The following MACROD1 variants were observed in gnomAD, a reference collection of about 807,000 sequenced individuals.
MACROD1 encodes the protein ADP-ribose glycohydrolase MACROD1.
Under a neutral mutation model 41.4 loss-of-function variants are expected in MACROD1, and 31 were observed. That is an observed-to-expected ratio of 0.75 (90% CI 0.56 to 1.01). The LOEUF (loss-of-function observed/expected upper bound fraction) is 1.01. Among genes scored for constraint, MACROD1 ranks in the 50% least tolerant of loss-of-function variants. The pLI is 0.00. For missense variants in MACROD1, 473 were observed against 460.0 expected, an observed-to-expected ratio of 1.03 and a Z score of -0.26; for synonymous variants, 252 against 203.4, an observed-to-expected ratio of 1.24 and a Z score of -2.03.
chr11:64,158,766 C>CATTAGGTTG (rs1945707789), intron 1 of MACROD1, among the ~76,000 whole-genome samples: 1 of 152,204 alleles, frequency 6.6e-6, no homozygotes, highest in Non-Finnish European at 1.5e-5. Context: ...GCGCCAGATA[C>CATTAGGTTG]CGACAAGGGC....
In MACROD1 at chr11:64,149,535, G is replaced by A. The variant is rs201400037; in HGVS notation, c.517+1704C>T. On this transcript the variant is annotated intron_variant, in intron 3 of 10. Transcript: ENST00000255681. ...ACAGCCCGGGTGCAGCCTCCGGAGC[G>A]CCCCCATTCCATCTGAACCCATCAA... Among the ~76,000 whole-genome samples the A allele has an allele frequency of 1.9e-3, 282 of 152,258 alleles. 3 individuals are homozygous for A. The South Asian group carries it at 0.026, about 14-fold the overall frequency.
intron 3 of MACROD1, among the ~76,000 whole-genome samples, chr11:64,106,354 G>A (rs1165730652): frequency 6.6e-6 from 1 of 152,156 alleles, no homozygotes; most frequent in South Asian, 2.1e-4. Context: ...CCAGCCCTGG[G>A]TCTAGGTTCA....
intron 4 of MACROD1, chr11:64,001,789 C>G (rs1942830306): frequency 1.1e-5 from 8 of 701,334 alleles, no homozygotes; most frequent in South Asian, 4.4e-5. Flanking sequence ...GGCGTCCAGG[C>G]TGGAGCTCCC....
At chr11:64,006,633 G>T (rs537930469) in intron 4 of MACROD1, among the ~76,000 whole-genome samples, 1 of 152,210 alleles carries the variant, frequency 6.6e-6, no homozygotes, top group Non-Finnish European at 1.5e-5. Context: ...GCTGCATGCC[G>T]GGGCTTGGTG....
intron 3 of MACROD1, among the ~76,000 whole-genome samples, chr11:64,109,793 G>A (rs1054748764): frequency 6.6e-6 from 1 of 152,132 alleles, no homozygotes; most frequent in African/African-American, 2.4e-5. Context: ...GGGCAGGGTT[G>A]CACCCACACA....
At chr11:64,007,611 T>C (rs777787814) in intron 4 of MACROD1, among the ~76,000 whole-genome samples, 9 of 151,580 alleles carry the variant, frequency 5.9e-5, no homozygotes, top group Non-Finnish European at 8.8e-5. Context: ...CGGTGGGAAG[T>C]TTCCATCAGT....
rs527433190 is a variant in MACROD1, at chr11:63,999,686, G to A, written c.742C>T (p.Leu248=). The change falls in exon 6 of 11, where the codon CTG becomes TTG. Residue 248 remains leucine, a synonymous_variant. Transcript: ENST00000255681. The part of the protein sequence containing the change: ...SQAAELRSCY[L]SSLDLLLEHR... ...TCCAGCAGCAGGTCCAGACTGCTCA[G>A]GTAGCAGCTGCGGAGCTCGGCAGCC... 1.4e-5 allele frequency: 22 copies of A among 1,609,420 alleles called. No individual in the cohort carries two copies. In the East Asian group the frequency reaches 3.8e-4, roughly 28 times the overall value.
chr11:64,000,302 C>T lies in MACROD1; in HGVS notation c.589G>A (p.Asp197Asn). The change falls in exon 5 of 11, where the codon GAC becomes AAC. Residue 197 changes from aspartate to asparagine, a missense_variant. Physicochemically the swap from Asp to Asn is conservative, Grantham distance 23. Coordinates refer to ENST00000255681, the MANE Select transcript of MACROD1 (RefSeq NM_014067.4). ...IHRAAGPLLT[D>N]ECRTLQSCKT... ...CAGCTCTGCAGGGTCCGGCACTCGTCGGTAAGCAGGGGGCCGGCGGCCCGA... is the reference window on the plus strand; with the variant it reads ...CAGCTCTGCAGGGTCCGGCACTCGTTGGTAAGCAGGGGGCCGGCGGCCCGA... 1 of 1,596,696 alleles carries T rather than the reference C, an allele frequency of 6.3e-7. No individual in the cohort carries two copies. The highest frequency in any genetic ancestry group is 8.5e-7 in the Non-Finnish European group (1 of 1,172,456).
intron 3 of MACROD1, among the ~76,000 whole-genome samples, chr11:64,053,217 G>A (rs957515516): frequency 6.6e-6 from 1 of 152,160 alleles, no homozygotes; most frequent in Non-Finnish European, 1.5e-5. Flanking sequence ...AGGGTGGGGT[G>A]AGGCTCCCCT....
rs941974070 is a variant in MACROD1, at chr11:64,122,611, C to T, written c.517+28628G>A. Among the ~76,000 whole-genome samples, 3 of 152,146 alleles carry T rather than the reference C, an allele frequency of 2.0e-5. No individual in the cohort carries two copies. Among genetic ancestry groups the T allele is most frequent in the African/African-American group, 7.2e-5 (3 of 41,432 alleles). ...GGGGGTCGGGGAGATGTTTCCAGAG[C>T]GGTGCAGGGAAAGAGGGTTTGGTGA... On this transcript the variant is annotated intron_variant, in intron 3 of 10. Coordinates refer to ENST00000255681, the MANE Select transcript of MACROD1 (RefSeq NM_014067.4). The surrounding 1 kb of genome is among the most constrained non-coding windows in gnomAD (Gnocchi z 4.0).
chr11:64,020,677 G>C (rs1011404365), intron 3 of MACROD1, among the ~76,000 whole-genome samples: 2 of 151,960 alleles, frequency 1.3e-5, no homozygotes, highest in South Asian at 4.2e-4. Context: ...GCTCTCCTGG[G>C]GGGGCCATGA....
At chr11:64,125,553 G>T (rs902089820) in intron 3 of MACROD1, among the ~76,000 whole-genome samples, 1 of 152,176 alleles carries the variant, frequency 6.6e-6, no homozygotes, top group Admixed American at 6.5e-5. Context: ...GGCTTCTCTC[G>T]TCCTGCTCCT....
In MACROD1 at chr11:64,158,034, A is replaced by G. The variant is rs555059934; in HGVS notation, c.299-5641T>C. ...GGGCATTGGCAAGGCTGCGTCCCCA[A>G]AAGACAGGTGGGAGAAGCCCCCCGA... On this transcript the variant is annotated intron_variant, in intron 1 of 10. Transcript: ENST00000255681. Among the ~76,000 whole-genome samples the G allele has an allele frequency of 2.0e-5, 3 of 152,266 alleles. No individual in the cohort carries two copies. The South Asian group carries it at 6.2e-4, about 32-fold the overall frequency.
At chr11:64,022,219 G>C (rs1176229278) in intron 3 of MACROD1, among the ~76,000 whole-genome samples, 1 of 151,948 alleles carries the variant, frequency 6.6e-6, no homozygotes, top group Non-Finnish European at 1.5e-5. Flanking sequence ...AAGGGACTGG[G>C]GGCACAGGCA....
In MACROD1 at chr11:64,035,114, T is replaced by C. The variant is rs487747; in HGVS notation, c.518-19833A>G. Among the ~76,000 whole-genome samples the C allele has an allele frequency of 8.9e-3, 1,349 of 152,192 alleles. 20 individuals are homozygous for C. The highest frequency in any genetic ancestry group is 0.031 in the African/African-American group (1,277 of 41,496). ...AACCTTTGGAGCTAGGTAGTAACGG[T>C]CCCATTTCACAATCCAGGACACTGA... On this transcript the variant is annotated intron_variant, in intron 3 of 10. Coordinates refer to ENST00000255681, the MANE Select transcript of MACROD1 (RefSeq NM_014067.4).
chr11:64,011,104 GTTGGTTGGGGTGTTGGCTGGCATA>G (rs1051815293), intron 4 of MACROD1, among the ~76,000 whole-genome samples: 16 of 150,156 alleles, frequency 1.1e-4, no homozygotes, highest in African/African-American at 3.9e-4. Flanking sequence ...TGGTTGGCAT[GTTGGTTGGGGTGTTGGCTGGCATA>G]TTGGTTGGCA....
chr11:64,033,206 G>A (rs980856343), intron 3 of MACROD1, among the ~76,000 whole-genome samples: 9 of 152,190 alleles, frequency 5.9e-5, no homozygotes, highest in African/African-American at 2.2e-4. Flanking sequence ...TGGAATTTCA[G>A]CTTTGCCAGG....
intron 3 of MACROD1, among the ~76,000 whole-genome samples, chr11:64,066,463 T>A (rs957366479): frequency 2.0e-5 from 3 of 150,464 alleles, no homozygotes; most frequent in East Asian, 2.0e-4. Flanking sequence ...CAAAAAATTT[T>A]AAAAAATTAG....
chr11:63,998,921 A>C lies in MACROD1; in HGVS notation c.973+34T>G, dbSNP rs778286613. The C allele has an allele frequency of 1.9e-6, 3 of 1,550,420 alleles. No individual in the cohort carries two copies. In the South Asian group the frequency reaches 3.8e-5, roughly 20 times the overall value. Reference sequence around the variant, plus strand: ...GCCCGCCCCCAGGGTGGACCGGGGCAGGGGCGGGCCGTGGGGCGGCGCGGG... The same window carrying C: ...GCCCGCCCCCAGGGTGGACCGGGGCCGGGGCGGGCCGTGGGGCGGCGCGGG... On this transcript the variant is annotated intron_variant, in intron 9 of 10. Coordinates refer to ENST00000255681, the MANE Select transcript of MACROD1 (RefSeq NM_014067.4).
Sources: allele counts gnomAD v4.1 joint callset (sites outside exome capture counted in the v4.1 genomes callset), GRCh38; gene constraint gnomAD v4.1.1; non-coding constraint Gnocchi (gnomAD v3.1); transcripts MANE v1.5; gene names NCBI Gene and HGNC (gene_info 2026-07-23, HGNC 2026-07-21).